Variants in RAD21L1 observed in about 807,000 individuals in gnomAD.
The protein encoded by RAD21L1 is RAD21 cohesin complex component like 1, also known as double-strand-break repair protein rad21-like protein 1.
Under a neutral mutation model 69.0 loss-of-function variants are expected in RAD21L1, and 47 were observed. The observed-to-expected ratio is 0.68, with a 90% CI of 0.54 to 0.87. RAD21L1 has a LOEUF of 0.87. Ranked by LOEUF, RAD21L1 falls within the 40% of genes least tolerant of loss-of-function variation. The pLI, the probability that RAD21L1 is intolerant of heterozygous loss-of-function variation, is 0.00. For missense variants in RAD21L1, 583 were observed against 647.6 expected, an observed-to-expected ratio of 0.90 and a Z score of 1.08; for synonymous variants, 177 against 205.8, an observed-to-expected ratio of 0.86 and a Z score of 1.20.
At position 1,246,867 on chromosome 20, in the gene RAD21L1, G is replaced by C. The variant is rs915142513; in HGVS notation, c.1401+562G>C. ...GCTTATTAACTGTCTTATTTCTCTG[G>C]TATTATCCCAGCATACTGAAAACAT... On this transcript the variant is annotated intron_variant, in intron 12 of 13. Transcript: ENST00000683101. This position sits in a 1 kb window ranked among gnomAD's most constrained non-coding sequence, Gnocchi z 4.6. Among the ~76,000 whole-genome samples, 14 of 151,984 alleles carry C rather than the reference G, an allele frequency of 9.2e-5. No individual in the cohort carries two copies. Among genetic ancestry groups the C allele is most frequent in the Admixed American group, 3.3e-4 (5 of 15,246 alleles).
chr20:1,234,180 C>T lies in RAD21L1; in HGVS notation c.464C>T (p.Ala155Val). The T allele has an allele frequency of 6.8e-7, 1 of 1,460,092 alleles. No individual in the cohort carries two copies. 90.4% of individuals were successfully genotyped at this position (1,460,092 alleles called of 1,614,324 possible). ...TTTGACAATGATCTAATTTTCCAAG[C>T]TGAGAGCTTTGGTGAGAATATTTGA... ...ENFDNDLIFQAESFGEESEIL... is the reference protein window; with the variant it reads ...ENFDNDLIFQVESFGEESEIL... Residue 155 changes from alanine to valine, a missense_variant, in exon 5 of 14, where the codon GCT (alanine) becomes GTT (valine). Transcript: ENST00000683101.
Position 1,242,768 on chromosome 20 carries a change from A to T in RAD21L1, c.1006A>T (p.Met336Leu), listed in dbSNP as rs1262122305. 1.3e-5 allele frequency: 20 copies of T among 1,551,508 alleles called. No individual in the cohort carries two copies. In the Admixed American group the frequency reaches 3.5e-4, roughly 27 times the overall value. The change falls in exon 9 of 14, where the codon ATG becomes TTG. Residue 336 changes from methionine (M) to leucine (L), a missense_variant. Met to Leu is a conservative substitution (Grantham distance 15). Coordinates refer to ENST00000683101, the MANE Select transcript of RAD21L1 (RefSeq NM_001384355.1). ...TGCACCTCCTACCCAAAGATTGATGATGTGGAAGAAGAGGGGAGGAGTGCA... is the reference window on the plus strand; with the variant it reads ...TGCACCTCCTACCCAAAGATTGATGTTGTGGAAGAAGAGGGGAGGAGTGCA... ...ELAPPTQRLMMWKKRGGVHTL... is the reference protein window; with the variant it reads ...ELAPPTQRLMLWKKRGGVHTL...
At chr20:1,234,415 A>G (rs1394254588) in intron 5 of RAD21L1, among the ~76,000 whole-genome samples, 1 of 152,136 alleles carries the variant, frequency 6.6e-6, no homozygotes, top group Non-Finnish European at 1.5e-5. Flanking sequence ...CTGAATACCT[A>G]CTCTGTATCA....
rs2087392112 is a variant in RAD21L1, at chr20:1,231,610, A to G, written c.359A>G (p.Gln120Arg). 6 of 1,408,046 alleles carry G rather than the reference A, an allele frequency of 4.3e-6. No homozygotes were observed. The East Asian group carries it at 7.5e-5, about 18-fold the overall frequency. 87.2% of individuals were successfully genotyped at this position (1,408,046 alleles called of 1,614,324 possible). ...GAAGAATTTCATGATTTTGACACCC[A>G]AAATATGAAGTAAAATATTTTATTT... Reference protein sequence around the residue: ...LPEEFHDFDTQNMNAIDVSEH... With the variant: ...LPEEFHDFDTRNMNAIDVSEH... Residue 120 changes from glutamine (Q) to arginine (R), a missense_variant, in exon 4 of 14, where the codon CAA becomes CGA. Transcript: ENST00000683101.
intron 13 of RAD21L1, among the ~76,000 whole-genome samples, chr20:1,251,878 A>C (rs534086387): frequency 6.6e-6 from 1 of 152,332 alleles, no homozygotes; most frequent in South Asian, 2.1e-4. Flanking sequence ...TATGATTAAC[A>C]TGCAGTAAAC....
chr20:1,233,151 T>A (rs530120869), intron 4 of RAD21L1, among the ~76,000 whole-genome samples: 2 of 152,316 alleles, frequency 1.3e-5, no homozygotes, highest in Non-Finnish European at 2.9e-5. Context: ...GTGGCCCGAA[T>A]GGACTAACAC....
intron 4 of RAD21L1, among the ~76,000 whole-genome samples, chr20:1,232,398 G>A (rs2087409992): frequency 6.6e-6 from 1 of 152,204 alleles, no homozygotes; most frequent in Non-Finnish European, 1.5e-5. Flanking sequence ...ACTCTAAGGG[G>A]AAAGGGAGGA....
At chr20:1,227,427 T>C (rs1364082715) in intron 1 of RAD21L1, among the ~76,000 whole-genome samples, 1 of 152,280 alleles carries the variant, frequency 6.6e-6, no homozygotes, top group Non-Finnish European at 1.5e-5. Context: ...GATTGAATTC[T>C]TGCGGTACAA....
At chr20:1,230,475 T>G in intron 3 of RAD21L1, 2 of 716,634 alleles carry the variant, frequency 2.8e-6, no homozygotes, top group Non-Finnish European at 3.4e-6. Context: ...TTTACATATG[T>G]CATAAATATA....
chr20:1,245,733 G>A (rs2087704913), intron 11 of RAD21L1, among the ~76,000 whole-genome samples: 2 of 152,082 alleles, frequency 1.3e-5, no homozygotes, highest in African/African-American at 4.8e-5. Context: ...TCCAGCAGTG[G>A]TGGCAGGAAT....
At chr20:1,233,224 A>T (rs1016829787) in intron 4 of RAD21L1, among the ~76,000 whole-genome samples, 1 of 152,180 alleles carries the variant, frequency 6.6e-6, no homozygotes, top group Non-Finnish European at 1.5e-5. Flanking sequence ...GAGAGGTCTG[A>T]AGTGGATGTA....
At chr20:1,248,781 A>G (rs2087768886) in intron 13 of RAD21L1, 78 bp downstream of exon 13, 2 of 791,448 alleles carry the variant, frequency 2.5e-6, no homozygotes, top group South Asian at 2.0e-5. Context: ...CCATATATTA[A>G]TGAAAACGCA....
intron 10 of RAD21L1, among the ~76,000 whole-genome samples, chr20:1,243,575 C>A (rs1372651937): frequency 3.3e-5 from 5 of 152,094 alleles, no homozygotes; most frequent in Non-Finnish European, 7.4e-5. Context: ...AGGATAAGAA[C>A]AGCACTTAAT....
At chr20:1,237,752 T>G (rs1051427123) in intron 5 of RAD21L1, among the ~76,000 whole-genome samples, 4 of 152,206 alleles carry the variant, frequency 2.6e-5, no homozygotes, top group Admixed American at 2.6e-4. Flanking sequence ...AATAAATTAT[T>G]TTCCATAGTA....
chr20:1,239,018 G>A (rs2087554284), intron 6 of RAD21L1, among the ~76,000 whole-genome samples: 1 of 151,888 alleles, frequency 6.6e-6, no homozygotes, highest in Admixed American at 6.6e-5. Context: ...GTAGAGATGG[G>A]GTTTCACCAT....
intron 13 of RAD21L1, among the ~76,000 whole-genome samples, chr20:1,251,102 G>A (rs570433948): frequency 1.3e-5 from 2 of 152,180 alleles, no homozygotes; most frequent in Non-Finnish European, 2.9e-5. Context: ...AAGAGTTCAC[G>A]AGAGATACAG....
At position 1,242,389 on chromosome 20, in the gene RAD21L1, T is replaced by C. The variant is rs561122885; in HGVS notation, c.857-230T>C. 2.0e-5 allele frequency among the ~76,000 whole-genome samples: 3 copies of C among 152,194 alleles called. No individual in the cohort carries two copies. The East Asian group carries it at 5.8e-4, about 29-fold the overall frequency. ...CTGGGTCTACAGGTGCGTGCTACCA[T>C]GTGTGGCTAATTTTTGTATTTTTTG... On this transcript the variant is annotated intron_variant, in intron 8 of 13. Coordinates refer to ENST00000683101, the MANE Select transcript of RAD21L1 (RefSeq NM_001384355.1).
chr20:1,246,060 G>T lies in RAD21L1; in HGVS notation c.1309-153G>T. 1 of 458,038 alleles carries T rather than the reference G, an allele frequency of 2.2e-6. No individual in the cohort carries two copies. The highest frequency in any genetic ancestry group is 3.8e-6 in the Non-Finnish European group (1 of 260,106). 28.4% of individuals were successfully genotyped at this position (458,038 alleles called of 1,614,324 possible). A position where few individuals can be genotyped will look rare whatever the true frequency, so the allele number is the denominator to read the frequency against. ...TTTAAGTCAAAGACTGCCTATCTGGGGTATTTCAGAGATAATATTTTGAGA... is the reference window on the plus strand; with the variant it reads ...TTTAAGTCAAAGACTGCCTATCTGGTGTATTTCAGAGATAATATTTTGAGA... On this transcript the variant is annotated intron_variant, in intron 11 of 13. Transcript: ENST00000683101. This position sits in a 1 kb window ranked among gnomAD's most constrained non-coding sequence, Gnocchi z 4.6.
At chr20:1,226,977 G>A (rs2087277169) in intron 1 of RAD21L1, among the ~76,000 whole-genome samples, 2 of 152,144 alleles carry the variant, frequency 1.3e-5, no homozygotes, top group Non-Finnish European at 2.9e-5. Flanking sequence ...TAGGGCGATC[G>A]CGGCTCATTG....
Sources: gnomAD v4.1 joint callset for allele counts (sites outside exome capture counted in the v4.1 genomes callset) on GRCh38, gnomAD v4.1.1 for gene constraint, Gnocchi (gnomAD v3.1) non-coding constraint, MANE v1.5 for transcripts, NCBI Gene and HGNC (gene_info 2026-07-23, HGNC 2026-07-21) for gene names.